Variants in PLXNC1 observed in about 807,000 individuals in gnomAD.
PLXNC1 encodes plexin-C1.
PLXNC1 carries 75 observed loss-of-function variants against 178.2 expected under a neutral mutation model. That is an observed-to-expected ratio of 0.42 (90% CI 0.35 to 0.51). The LOEUF (loss-of-function observed/expected upper bound fraction) is 0.51, where lower values mean the gene tolerates loss of function less well. Ranked by LOEUF, PLXNC1 falls within the 20% of genes least tolerant of loss-of-function variation. The probability of loss-of-function intolerance (pLI) is 0.02; values close to 1 mark genes in which losing one functional copy is unlikely to be tolerated. For missense variants in PLXNC1, 1,503 were observed against 1,984.4 expected, an observed-to-expected ratio of 0.76 and a Z score of 4.61; for synonymous variants, 790 against 779.9, an observed-to-expected ratio of 1.01 and a Z score of -0.22.
chr12:94,209,534 C>T (rs1007121380), intron 4 of PLXNC1, 56 bp from the exon 5 acceptor site: 15 of 974,828 alleles, frequency 1.5e-5, no homozygotes, highest in African/African-American at 3.2e-5. Context: ...CGTATGGGGT[C>T]GCTGTTTTAA....
rs1454689271 is a variant in PLXNC1, at chr12:94,149,409, C to G, written c.438C>G (p.Ser146=). Residue 146 remains serine (S), a synonymous_variant, in exon 1 of 31, where the codon TCC becomes TCG. Coordinates refer to ENST00000258526, the MANE Select transcript of PLXNC1 (RefSeq NM_005761.3). ...CCCTGGGCAACCTGAGCCGCAACTC[C>G]CTGCGCAACGGCACCGAGGTGGTGT... ...VRPLGNLSRN[S]LRNGTEVVSC... The G allele has an allele frequency of 7.0e-7, 1 of 1,436,444 alleles. No individual in the cohort carries two copies. Among genetic ancestry groups the G allele is most frequent in the Non-Finnish European group, 9.1e-7 (1 of 1,104,808 alleles). 89.0% of individuals were successfully genotyped at this position (1,436,444 alleles called of 1,614,324 possible).
intron 1 of PLXNC1, among the ~76,000 whole-genome samples, chr12:94,156,465 C>T (rs1019305475): frequency 1.4e-5 from 2 of 143,402 alleles, no homozygotes; most frequent in African/African-American, 5.2e-5. Flanking sequence ...TGCCTTGATC[C>T]CCACTGTCTA....
At chr12:94,297,481 G>C in intron 26 of PLXNC1, 58 bp downstream of exon 26, 1 of 1,187,598 alleles carries the variant, frequency 8.4e-7, no homozygotes, top group Non-Finnish European at 1.2e-6. Context: ...TGATATGTTT[G>C]ACTTAATTTC....
intron 23 of PLXNC1, among the ~76,000 whole-genome samples, chr12:94,284,937 G>T (rs986678313): frequency 2.6e-5 from 4 of 152,174 alleles, no homozygotes; most frequent in Non-Finnish European, 5.9e-5. Context: ...GTGCAAACCT[G>T]GAAATAGCCC....
At chr12:94,227,281 A>G (rs1963970431) in intron 9 of PLXNC1, 46 bp downstream of exon 9, 2 of 1,091,132 alleles carry the variant, frequency 1.8e-6, no homozygotes, top group African/African-American at 3.1e-5. Flanking sequence ...CTGTCTTTGA[A>G]TGACCATGAC....
Position 94,229,050 on chromosome 12 carries a change from A to G in PLXNC1, c.1980+1815A>G, listed in dbSNP as rs559720510. On this transcript the variant is annotated intron_variant, in intron 9 of 30. Coordinates refer to ENST00000258526, the MANE Select transcript of PLXNC1 (RefSeq NM_005761.3). ...TGCACAAGGGTTCCAGTTTCACCCCATCCTCACCAATACTTGTTATTTTCG... is the reference window on the plus strand; with the variant it reads ...TGCACAAGGGTTCCAGTTTCACCCCGTCCTCACCAATACTTGTTATTTTCG... Among the ~76,000 whole-genome samples the G allele has an allele frequency of 1.8e-3, 279 of 152,336 alleles. 1 individual carries two copies. Among genetic ancestry groups the G allele is most frequent in the Non-Finnish European group, 2.8e-3 (189 of 68,030 alleles).
At chr12:94,220,242 A>G (rs1451505660) in intron 6 of PLXNC1, 79 bp downstream of exon 6, 8 of 1,392,936 alleles carry the variant, frequency 5.7e-6, no homozygotes, top group Non-Finnish European at 8.0e-6. Context: ...TTGCCCAAGG[A>G]ATATGAATAG....
At chr12:94,190,185 C>G (rs942821662) in intron 4 of PLXNC1, among the ~76,000 whole-genome samples, 1 of 152,090 alleles carries the variant, frequency 6.6e-6, no homozygotes, top group Non-Finnish European at 1.5e-5. Context: ...GGGAAAGGAA[C>G]AATCAGAGAA....
Position 94,237,694 on chromosome 12 carries a change from A to C in PLXNC1, c.2011A>C (p.Lys671Gln). ...CTACATTAAGTCCATTGAGCCACAGAAAGTATCGACATTAGGGAAAAGCAA... is the reference window on the plus strand; with the variant it reads ...CTACATTAAGTCCATTGAGCCACAGCAAGTATCGACATTAGGGAAAAGCAA... ...VFYIKSIEPQ[K>Q]VSTLGKSNVI... Residue 671 changes from lysine (K) to glutamine (Q), a missense_variant, in exon 10 of 31, where the codon AAA becomes CAA. By Grantham distance (53) the Lys-to-Gln change is moderately conservative. Coordinates refer to ENST00000258526, the MANE Select transcript of PLXNC1 (RefSeq NM_005761.3). The C allele has an allele frequency of 6.2e-7, 1 of 1,613,946 alleles. No homozygotes were observed.
intron 24 of PLXNC1, among the ~76,000 whole-genome samples, chr12:94,295,585 C>T (rs1469582273): frequency 6.6e-6 from 1 of 152,168 alleles, no homozygotes; most frequent in East Asian, 1.9e-4. Flanking sequence ...CACCGTCTTA[C>T]ACCCTGCTAA....
intron 4 of PLXNC1, among the ~76,000 whole-genome samples, chr12:94,198,915 G>T (rs181952823): frequency 6.6e-6 from 1 of 152,164 alleles, no homozygotes; most frequent in Non-Finnish European, 1.5e-5. Flanking sequence ...ATAAGGTCAC[G>T]TTCTGAGGTT....
chr12:94,291,186 G>A (rs1173264045), intron 23 of PLXNC1, among the ~76,000 whole-genome samples: 1 of 152,220 alleles, frequency 6.6e-6, no homozygotes. Context: ...ACAGAGGCCT[G>A]CCTTTGTCAA....
intron 5 of PLXNC1, among the ~76,000 whole-genome samples, chr12:94,213,599 G>A (rs1963557558): frequency 6.6e-6 from 1 of 152,088 alleles, no homozygotes; most frequent in Admixed American, 6.5e-5. Context: ...CCGTTCTGTA[G>A]GTTGCCTGTT....
At chr12:94,274,714 T>C (rs955515278) in intron 21 of PLXNC1, among the ~76,000 whole-genome samples, 4 of 152,180 alleles carry the variant, frequency 2.6e-5, no homozygotes, top group Non-Finnish European at 5.9e-5. Flanking sequence ...AAAACATTCT[T>C]GTACTTCCAA....
At chr12:94,265,849 C>T (rs1965202834) in intron 21 of PLXNC1, among the ~76,000 whole-genome samples, 1 of 152,128 alleles carries the variant, frequency 6.6e-6, no homozygotes, top group East Asian at 1.9e-4. Context: ...ATCCCCACCG[C>T]ACCCACCCCA....
intron 24 of PLXNC1, 62 bp from the exon 25 acceptor site, chr12:94,297,127 G>A (rs948658687): frequency 7.1e-6 from 11 of 1,552,566 alleles, no homozygotes; most frequent in Non-Finnish European, 8.9e-6. Context: ...AGAGAAGGCC[G>A]ATTAGCCCAT....
chr12:94,284,104 AAAAAG>A (rs1211773384), intron 23 of PLXNC1, among the ~76,000 whole-genome samples: 3 of 151,742 alleles, frequency 2.0e-5, no homozygotes, highest in African/African-American at 7.3e-5. Context: ...AAAAAAAAAA[AAAAAG>A]CAGGGTTTGC....
chr12:94,272,506 CAA>C (rs2136109447), intron 21 of PLXNC1: 1 of 152,376 alleles, frequency 6.6e-6, no homozygotes, highest in South Asian at 2.1e-4. Flanking sequence ...GCTGCGAAGC[CAA>C]GAGGCCAGCT....
At chr12:94,171,779 CTG>C (rs1342708283) in intron 2 of PLXNC1, among the ~76,000 whole-genome samples, 4 of 152,184 alleles carry the variant, frequency 2.6e-5, no homozygotes, top group African/African-American at 4.8e-5. Context: ...GACCATCTGA[CTG>C]AGGAAATACC....
Sources: gnomAD v4.1 joint callset for allele counts (sites outside exome capture counted in the v4.1 genomes callset) on GRCh38, gnomAD v4.1.1 for gene constraint, MANE v1.5 for transcripts, NCBI Gene and HGNC (gene_info 2026-07-23, HGNC 2026-07-21) for gene names.